Variants in TPT1 observed in about 807,000 individuals in gnomAD.
TPT1 encodes the protein translationally-controlled tumor protein.
Under a neutral mutation model 22.8 loss-of-function variants are expected in TPT1, and 5 were observed. The ratio of observed to expected loss-of-function variants is 0.22; its 90% CI spans 0.11 to 0.46. The LOEUF is 0.46. Among genes scored for constraint, TPT1 ranks in the 20% least tolerant of loss-of-function variants. The pLI is 0.99. For missense variants in TPT1, 130 were observed against 218.7 expected (o/e 0.59, Z 2.56); for synonymous variants, 89 against 73.6 (o/e 1.21, Z -1.07).
At chr13:45,340,318 G>T in intron 2 of TPT1, 134 bp from the exon 3 acceptor site, 2 of 1,194,002 alleles carry the variant, frequency 1.7e-6, no homozygotes, top group Non-Finnish European at 2.4e-6. Flanking sequence ...TGGGAATAAA[G>T]TTGTGACCCG....
At chr13:45,338,612 A>G in intron 5 of TPT1, 48 bp downstream of exon 5, 6 of 1,597,312 alleles carry the variant, frequency 3.8e-6, no homozygotes, top group Non-Finnish European at 5.1e-6. Context: ...ATCACATCTA[A>G]AATGTCTTTT....
Position 45,336,352 on chromosome 13 carries a change from G to A in TPT1, c.*1034C>T, listed in dbSNP as rs1005282979. 1 of 151,378 alleles carries A rather than the reference G, an allele frequency of 6.6e-6. No homozygotes were observed. The highest frequency in any genetic ancestry group is 1.5e-5 in the Non-Finnish European group (1 of 67,464). 9.4% of individuals were successfully genotyped at this position (151,378 alleles called of 1,614,324 possible). On this transcript the variant is annotated 3_prime_UTR_variant, in exon 6 of 6. Coordinates refer to ENST00000530705, the MANE Select transcript of TPT1 (RefSeq NM_003295.4). ...TATTCAATCTCAGCTGCCACAATTA[G>A]ACAGACGGAAAGCGCAAGGACATGT... is the stretch of plus-strand genomic sequence containing the variant.
In TPT1 at chr13:45,340,791, G is replaced by A. The variant is rs571700524; in HGVS notation, c.29-6C>T. 2.0e-6 allele frequency: 3 copies of A among 1,512,946 alleles called. No homozygotes were observed. The highest frequency in any genetic ancestry group is 1.4e-5 in the African/African-American group (1 of 71,606). 93.7% of individuals were successfully genotyped at this position (1,512,946 alleles called of 1,614,324 possible). ...GTCGGAGAACATCTCATCGTCTGCC[G>A]GATACACAGAGCCGCCCATCACCGT... On this transcript the variant is annotated splice_region_variant and splice_polypyrimidine_tract_variant and intron_variant, in intron 1 of 5. Coordinates refer to ENST00000530705, the MANE Select transcript of TPT1 (RefSeq NM_003295.4).
intron 5 of TPT1, 46 bp from the exon 6 acceptor site, chr13:45,337,434 C>CA (rs1362592527): frequency 1.2e-6 from 2 of 1,614,012 alleles, no homozygotes; most frequent in Non-Finnish European, 1.7e-6. Flanking sequence ...CATTACACTG[C>CA]AAAAGTTACA....
intron 2 of TPT1, 47 bp from the exon 3 acceptor site, chr13:45,340,231 C>A: frequency 6.4e-7 from 1 of 1,573,638 alleles, no homozygotes; most frequent in Non-Finnish European, 8.7e-7. Flanking sequence ...CAAACGCATC[C>A]AAAGCACCTT....
intron 3 of TPT1, 78 bp downstream of exon 3, chr13:45,339,916 A>G (rs1878968247): frequency 2.0e-6 from 3 of 1,521,520 alleles, no homozygotes; most frequent in African/African-American, 1.4e-5. Context: ...ACCCACTGCG[A>G]AAGAACCTCA....
At position 45,339,575 on chromosome 13, in the gene TPT1, T is replaced by C; in HGVS notation, c.321A>G (p.Arg107=). 1.9e-6 allele frequency: 3 copies of C among 1,613,444 alleles called. No individual in the cohort carries two copies. The highest frequency in any genetic ancestry group is 2.5e-6 in the Non-Finnish European group (3 of 1,179,800). The change falls in exon 4 of 6, where the codon AGA becomes AGG. Residue 107 remains arginine (R), a synonymous_variant. Coordinates refer to ENST00000530705, the MANE Select transcript of TPT1 (RefSeq NM_003295.4). ...TCATAAAAGGTTTTACTCTTTCTGG[T>C]CTCTGTTCTTCAAGTTTCCCTTTGA... ...KSIKGKLEEQ[R]PERVKPFMTG...
chr13:45,340,885 C>G, intron 1 of TPT1, 100 bp from the exon 2 acceptor site: 1 of 1,464,332 alleles, frequency 6.8e-7, no homozygotes, highest in East Asian at 2.5e-5. Flanking sequence ...CCCTCCGTAG[C>G]ACACCAGAGC....
intron 2 of TPT1, 40 bp from the exon 3 acceptor site, chr13:45,340,224 A>G (rs760507624): frequency 6.3e-7 from 1 of 1,585,108 alleles, no homozygotes; most frequent in South Asian, 1.1e-5. Context: ...AAAGACACAA[A>G]CGCATCCAAA....
intron 5 of TPT1, 36 bp from the exon 6 acceptor site, chr13:45,337,424 C>T: frequency 6.2e-7 from 1 of 1,614,080 alleles, no homozygotes; most frequent in Non-Finnish European, 8.5e-7. Flanking sequence ...ATTTTTCAAA[C>T]ATTACACTGC....
At position 45,334,628 on chromosome 13, in the gene TPT1, TCA is replaced by T. The variant is rs1186455236; in HGVS notation, c.*2756_*2757del. 1 of 152,216 alleles carries T rather than the reference TCA, an allele frequency of 6.6e-6. No homozygotes were observed. The highest frequency in any genetic ancestry group is 2.4e-5 in the African/African-American group (1 of 41,442). The allele number at this position is 152,216 out of a possible 1,614,324, so 9.4% of individuals were successfully genotyped here. A position where few individuals can be genotyped will look rare whatever the true frequency, so the allele number is the denominator to read the frequency against. ...GTCTCTATCTTCATTTCCTACCACC[TCA>T]GTCTACTACCCTAGACTAAGCCACT... On this transcript the variant is annotated 3_prime_UTR_variant, in exon 6 of 6. Coordinates refer to ENST00000530705, the MANE Select transcript of TPT1 (RefSeq NM_003295.4).
Position 45,336,689 on chromosome 13 carries a change from CCA to C in TPT1, c.*695_*696del, listed in dbSNP as rs768634582. ...TGGACTCGAACTTAAATTCCATATC[CCA>C]CAAGGTATTCTTTTCCCCTCAACCA... is the stretch of plus-strand genomic sequence containing the variant. On this transcript the variant is annotated 3_prime_UTR_variant, in exon 6 of 6. Transcript: ENST00000530705. 1 of 152,252 alleles carries C rather than the reference CCA, an allele frequency of 6.6e-6. No individual in the cohort carries two copies. The highest frequency in any genetic ancestry group is 1.5e-5 in the Non-Finnish European group (1 of 68,102). The allele number at this position is 152,252 out of a possible 1,614,324, so 9.4% of individuals were successfully genotyped here.
Position 45,339,980 on chromosome 13 carries a change from C to A in TPT1, c.293+14G>T. ...GATTCTAGACATCAGCTAGGTACTG[C>A]CAGTATCACTTACGATTTCATGTAA... On this transcript the variant is annotated intron_variant, in intron 3 of 5. Coordinates refer to ENST00000530705, the MANE Select transcript of TPT1 (RefSeq NM_003295.4). 1 of 1,613,516 alleles carries A rather than the reference C, an allele frequency of 6.2e-7. No individual in the cohort carries two copies. The highest frequency in any genetic ancestry group is 8.5e-7 in the Non-Finnish European group (1 of 1,179,568).
chr13:45,337,350 T>G lies in TPT1; in HGVS notation c.*36A>C, dbSNP rs778163836. The G allele has an allele frequency of 2.5e-6, 4 of 1,609,536 alleles. No homozygotes were observed. The Admixed American group carries it at 6.7e-5, about 27-fold the overall frequency. On this transcript the variant is annotated 3_prime_UTR_variant, in exon 6 of 6. Coordinates refer to ENST00000530705, the MANE Select transcript of TPT1 (RefSeq NM_003295.4). The stretch of plus-strand genomic sequence containing the variant: ...GATGACAAGCAGAAGCCAGTTATGA[T>G]GACAGGTGATAGATCCAAAATAATT...
rs747749494 is a variant in TPT1, at chr13:45,337,507, C to T, written c.517-119G>A. On this transcript the variant is annotated intron_variant, in intron 5 of 5. Coordinates refer to ENST00000530705, the MANE Select transcript of TPT1 (RefSeq NM_003295.4). ...ATGTATTCCCCAATTCAATCTGGGCCGCCACAAAGACAGACAGAAAGCGCA... is the reference window on the plus strand; with the variant it reads ...ATGTATTCCCCAATTCAATCTGGGCTGCCACAAAGACAGACAGAAAGCGCA... 25 of 1,613,846 alleles carry T rather than the reference C, an allele frequency of 1.5e-5. 1 individual carries two copies. The highest frequency in any genetic ancestry group is 1.1e-4 in the South Asian group (10 of 91,090).
intron 2 of TPT1, 39 bp from the exon 3 acceptor site, chr13:45,340,223 A>C (rs750157149): frequency 1.1e-5 from 18 of 1,585,472 alleles, no homozygotes; most frequent in African/African-American, 2.7e-5. Flanking sequence ...AAAAGACACA[A>C]ACGCATCCAA....
rs912777236 is a variant in TPT1, at chr13:45,336,698, A to G, written c.*688T>C. 6.6e-6 allele frequency: 1 copy of G among 152,282 alleles called. No individual in the cohort carries two copies. Among genetic ancestry groups the G allele is most frequent in the African/African-American group, 2.4e-5 (1 of 41,446 alleles). 9.4% of individuals were successfully genotyped at this position (152,282 alleles called of 1,614,324 possible). A position where few individuals can be genotyped will look rare whatever the true frequency, so the allele number is the denominator to read the frequency against. The stretch of plus-strand genomic sequence containing the variant: ...ACTTAAATTCCATATCCCACAAGGT[A>G]TTCTTTTCCCCTCAACCATTTAAAA... On this transcript the variant is annotated 3_prime_UTR_variant, in exon 6 of 6. Coordinates refer to ENST00000530705, the MANE Select transcript of TPT1 (RefSeq NM_003295.4).
chr13:45,339,925 C>G (rs998415406), intron 3 of TPT1, 69 bp downstream of exon 3: 1 of 1,556,178 alleles, frequency 6.4e-7, no homozygotes, highest in African/African-American at 1.4e-5. Flanking sequence ...GAAAGAACCT[C>G]AAAAGTTAGC....
Position 45,340,696 on chromosome 13 carries a change from G to A in TPT1, c.102+16C>T, listed in dbSNP as rs529078731. The A allele has an allele frequency of 1.9e-6, 3 of 1,548,730 alleles. No homozygotes were observed. The highest frequency in any genetic ancestry group is 1.7e-4 in the Middle Eastern group (1 of 5,732). On this transcript the variant is annotated intron_variant, in intron 2 of 5. Coordinates refer to ENST00000530705, the MANE Select transcript of TPT1 (RefSeq NM_003295.4). ...CTCGGCCCGGACTCCCCCACGCGCA[G>A]GCCCGACCGACTCACCTTCCCCTCC...
Sources: allele counts gnomAD v4.1 joint callset, GRCh38; gene constraint gnomAD v4.1.1; transcripts MANE v1.5; gene names NCBI Gene and HGNC (gene_info 2026-07-23, HGNC 2026-07-21).